Variants in NT5C2 observed in about 807,000 individuals in gnomAD.
NT5C2 encodes cytosolic purine 5'-nucleotidase.
Under a neutral mutation model 76.1 loss-of-function variants are expected in NT5C2, and 58 were observed. The ratio of observed to expected loss-of-function variants is 0.76; its 90% CI spans 0.62 to 0.95. The LOEUF (loss-of-function observed/expected upper bound fraction) is 0.95, where lower values mean the gene tolerates loss of function less well. NT5C2 is among the 40% of genes least tolerant of loss of function. NT5C2 has a pLI of 0.00. For synonymous variants in NT5C2, 229 were observed against 237.4 expected, an observed-to-expected ratio of 0.96 and a Z score of 0.32; for missense variants, 478 against 690.3, an observed-to-expected ratio of 0.69 and a Z score of 3.45.
intron 4 of NT5C2, among the ~76,000 whole-genome samples, chr10:103,111,504 G>A (rs1350828761): frequency 6.6e-6 from 1 of 152,198 alleles, no homozygotes; most frequent in African/African-American, 2.4e-5. Context: ...TTTTCAGGAT[G>A]AAAGTTGTGG....
chr10:103,181,576 A>C (rs1259373806), intron 1 of NT5C2, among the ~76,000 whole-genome samples: 2 of 152,220 alleles, frequency 1.3e-5, no homozygotes, highest in Non-Finnish European at 2.9e-5. Flanking sequence ...TAAGACCACT[A>C]TCTTTAAACT....
intron 3 of NT5C2, among the ~76,000 whole-genome samples, chr10:103,160,939 G>C (rs1357014711): frequency 6.6e-6 from 1 of 152,016 alleles, no homozygotes; most frequent in African/African-American, 2.4e-5. Flanking sequence ...GAACCCGGGA[G>C]GCAGAGGTTG....
At chr10:103,111,109 C>G (rs554008333) in intron 4 of NT5C2, among the ~76,000 whole-genome samples, 3 of 152,352 alleles carry the variant, frequency 2.0e-5, no homozygotes, top group South Asian at 2.1e-4. Context: ...TTCAATTTCT[C>G]TCCCACAACT....
chr10:103,132,173 G>A (rs1265123153), intron 4 of NT5C2, among the ~76,000 whole-genome samples: 2 of 150,084 alleles, frequency 1.3e-5, no homozygotes, highest in African/African-American at 4.9e-5. Flanking sequence ...CTGGGAGGCG[G>A]AGGTTGCAGT....
At chr10:103,090,816 G>T in intron 17 of NT5C2, 29 bp from the exon 18 acceptor site, 1 of 1,610,510 alleles carries the variant, frequency 6.2e-7, no homozygotes, top group Non-Finnish European at 8.5e-7. Context: ...TTGATTCTTG[G>T]CTCATTCAAC....
chr10:103,116,584 TTTC>T (rs2074387761), intron 4 of NT5C2, among the ~76,000 whole-genome samples: 1 of 134,530 alleles, frequency 7.4e-6, no homozygotes, highest in African/African-American at 2.8e-5. Context: ...CTTTTTTTTT[TTTC>T]TTTTTTTTTT....
intron 1 of NT5C2, among the ~76,000 whole-genome samples, chr10:103,192,201 C>T (rs556781578): frequency 2.0e-5 from 3 of 152,174 alleles, no homozygotes; most frequent in East Asian, 1.9e-4. Flanking sequence ...CTTGAAGAGG[C>T]GAAATGAATA....
chr10:103,111,600 G>C, intron 4 of NT5C2: 1 of 475,842 alleles, frequency 2.1e-6, no homozygotes, highest in Non-Finnish European at 3.4e-6. Context: ...AAAACTTTCT[G>C]CAGAGAAGTT....
chr10:103,099,546 AAT>A (rs1389632504), intron 9 of NT5C2, among the ~76,000 whole-genome samples: 2 of 152,236 alleles, frequency 1.3e-5, no homozygotes, highest in African/African-American at 4.8e-5. Context: ...TATTTTATTC[AAT>A]AGTTTATAAT....
intron 4 of NT5C2, chr10:103,125,203 T>C: frequency 2.7e-6 from 2 of 746,760 alleles, no homozygotes; most frequent in Non-Finnish European, 4.6e-6. Context: ...CACACCTGTT[T>C]AGCCTGCCTG....
intron 3 of NT5C2, among the ~76,000 whole-genome samples, chr10:103,166,695 C>T (rs184185674): frequency 6.2e-4 from 94 of 152,228 alleles, no homozygotes; most frequent in African/African-American, 2.1e-3. Context: ...CCTGTGTCAC[C>T]AGGCTGGAGT....
At chr10:103,155,519 G>A (rs899819565) in intron 3 of NT5C2, among the ~76,000 whole-genome samples, 1 of 152,134 alleles carries the variant, frequency 6.6e-6, no homozygotes, top group Non-Finnish European at 1.5e-5. Flanking sequence ...AGGCTAAGAG[G>A]AAAAGAAGAG....
At chr10:103,193,034 G>A (rs1212075149) in intron 1 of NT5C2, among the ~76,000 whole-genome samples, 1 of 151,538 alleles carries the variant, frequency 6.6e-6, no homozygotes, top group Non-Finnish European at 1.5e-5. Context: ...CGAGGGAGTT[G>A]GGAGGCGTGC....
chr10:103,121,250 T>G (rs2075608063), intron 4 of NT5C2, among the ~76,000 whole-genome samples: 1 of 152,228 alleles, frequency 6.6e-6, no homozygotes, highest in African/African-American at 2.4e-5. Context: ...CATTGAATTG[T>G]ATACTTGAAA....
At chr10:103,154,510 G>A (rs543180013) in intron 3 of NT5C2, among the ~76,000 whole-genome samples, 7 of 152,248 alleles carry the variant, frequency 4.6e-5, no homozygotes, top group Admixed American at 2.0e-4. Flanking sequence ...AAGAGAATGG[G>A]CACTAGAAGA....
intron 17 of NT5C2, 37 bp downstream of exon 17, chr10:103,090,894 AAACTT>A: frequency 1.2e-6 from 2 of 1,605,674 alleles, no homozygotes; most frequent in Non-Finnish European, 8.5e-7. Flanking sequence ...AAAAGCATTT[AAACTT>A]ATTTCCCAAG....
chr10:103,127,419 T>C (rs1368830017), intron 4 of NT5C2, among the ~76,000 whole-genome samples: 2 of 152,210 alleles, frequency 1.3e-5, no homozygotes, highest in South Asian at 2.1e-4. Context: ...GGATAATTGG[T>C]GATAAAGGAA....
At chr10:103,166,710 T>C (rs949455046) in intron 3 of NT5C2, among the ~76,000 whole-genome samples, 1 of 152,174 alleles carries the variant, frequency 6.6e-6, no homozygotes, top group African/African-American at 2.4e-5. Context: ...TGGAGTGCAA[T>C]GGCGCAATCA....
intron 13 of NT5C2, 124 bp from the exon 14 acceptor site, chr10:103,094,162 CACTT>C: frequency 1.6e-6 from 1 of 610,368 alleles, no homozygotes; most frequent in Non-Finnish European, 2.8e-6. Flanking sequence ...AAATGAATGG[CACTT>C]ACTCTTTTCA....
Sources: gnomAD v4.1 joint callset for allele counts (sites outside exome capture counted in the v4.1 genomes callset) on GRCh38, gnomAD v4.1.1 for gene constraint, MANE v1.5 for transcripts, NCBI Gene and HGNC (gene_info 2026-07-23, HGNC 2026-07-21) for gene names.